Variants in MUL1 observed in about 807,000 individuals in gnomAD.
MUL1 encodes mitochondrial E3 ubiquitin protein ligase 1.
MUL1 carries 30 observed loss-of-function variants against 34.1 expected under a neutral mutation model. The ratio of observed to expected loss-of-function variants is 0.88; its 90% confidence interval spans 0.66 to 1.19. The LOEUF is 1.19. MUL1 is among the 50% of genes most tolerant of loss of function. MUL1 has a pLI of 0.00. For synonymous variants in MUL1, 191 were observed against 187.8 expected (o/e 1.02, Z -0.14); for missense variants, 419 against 450.5 (o/e 0.93, Z 0.63).
chr1:20,505,739 C>A (rs991820620), intron 1 of MUL1, among the ~76,000 whole-genome samples: 1 of 151,850 alleles, frequency 6.6e-6, no homozygotes, highest in East Asian at 1.9e-4. Context: ...TATTAACAGT[C>A]CCAACTTTTT....
chr1:20,508,094 C>G lies in MUL1; in HGVS notation c.-70G>C. The G allele has an allele frequency of 6.5e-7, 1 of 1,537,070 alleles. No individual in the cohort carries two copies. The highest frequency in any genetic ancestry group is 8.8e-7 in the Non-Finnish European group (1 of 1,140,944). On this transcript the variant is annotated 5_prime_UTR_variant, in exon 1 of 4. Coordinates refer to ENST00000264198, the MANE Select transcript of MUL1 (RefSeq NM_024544.3). ...CCTGGTGACCCCCGACTCTCCACCT[C>G]CTTCCGACCAGGACCGCACCCCCCC...
In MUL1 at chr1:20,501,250, T is replaced by G. The variant is rs2051656807; in HGVS notation, c.499A>C (p.Thr167Pro). The G allele has an allele frequency of 6.2e-6, 10 of 1,614,008 alleles. No homozygotes were observed. Among genetic ancestry groups the G allele is most frequent in the Non-Finnish European group, 8.5e-6 (10 of 1,180,034 alleles). Residue 167 changes from threonine (T) to proline (P), a missense_variant, in exon 4 of 4, where the codon ACC (threonine) becomes CCC (proline). Transcript: ENST00000264198. This position sits in a 1 kb window ranked among gnomAD's most constrained non-coding sequence, Gnocchi z 4.2. ...CTGATGTAGTGGCCGATGACATCGG[T>G]GAAGGACTGAATCGAGGGGTGGAAC... ...EKFHPSIQSF[T>P]DVIGHYISGE...
chr1:20,503,288 C>A lies in MUL1; in HGVS notation c.142G>T (p.Gly48Cys). The stretch of plus-strand genomic sequence containing the variant: ...GAAAGAATACTCTTTAAATCTTCAC[C>A]CAAATGAACTTTTTTAGCTCCCTAA... The part of the protein sequence containing the change: ...ELKGAKKVHL[G>C]EDLKSILSEA... Residue 48 changes from glycine (G) to cysteine (C), a missense_variant, in exon 2 of 4, where the codon GGT (glycine) becomes TGT (cysteine). Gly to Cys is a radical substitution (Grantham distance 159). Transcript: ENST00000264198. 1.9e-6 allele frequency: 3 copies of A among 1,603,576 alleles called. No homozygotes were observed. The highest frequency in any genetic ancestry group is 1.7e-5 in the Admixed American group (1 of 58,534).
At chr1:20,502,659 G>A (rs539100452) in intron 2 of MUL1, among the ~76,000 whole-genome samples, 4 of 152,218 alleles carry the variant, frequency 2.6e-5, no homozygotes, top group East Asian at 1.9e-4. Context: ...TCAGCCCCCC[G>A]AGTAGCTGGG....
At position 20,501,277 on chromosome 1, in the gene MUL1, T is replaced by TA; in HGVS notation, c.471_472insT (p.Lys158Ter). 6.2e-7 allele frequency: 1 copy of TA among 1,614,112 alleles called. No homozygotes were observed. The highest frequency in any genetic ancestry group is 1.1e-5 in the South Asian group (1 of 91,078). On this transcript the variant is annotated frameshift_variant, in exon 4 of 4. Coordinates refer to ENST00000264198, the MANE Select transcript of MUL1 (RefSeq NM_024544.3). LOFTEE classifies it high-confidence loss of function. This position sits in a 1 kb window ranked among gnomAD's most constrained non-coding sequence, Gnocchi z 4.2. ...AAGGACTGAATCGAGGGGTGGAACT[T>TA]CTCATACACAGTCTCTAGACCCAGA...
At chr1:20,504,022 C>CCA (rs1452521587) in intron 1 of MUL1, among the ~76,000 whole-genome samples, 1 of 152,064 alleles carries the variant, frequency 6.6e-6, no homozygotes, top group Admixed American at 6.6e-5. Flanking sequence ...TAGGCATGCA[C>CCA]CACCACACCT....
rs775862563 is a variant in MUL1, at chr1:20,501,048, T to G, written c.701A>C (p.Glu234Ala). The change falls in exon 4 of 4, where the codon GAG becomes GCG. Residue 234 changes from glutamate (E) to alanine (A), a missense_variant. Glu to Ala is a moderately radical substitution (Grantham distance 107). Coordinates refer to ENST00000264198, the MANE Select transcript of MUL1 (RefSeq NM_024544.3). This position sits in a 1 kb window ranked among gnomAD's most constrained non-coding sequence, Gnocchi z 4.2. ...CACCTTCCAGAGCCTGACGCTCGACTCCTGCCTCTGCAGCAGGCTGTCGAA... is the reference window on the plus strand; with the variant it reads ...CACCTTCCAGAGCCTGACGCTCGACGCCTGCCTCTGCAGCAGGCTGTCGAA... ...QDFDSLLQRQ[E>A]SSVRLWKVLA... The G allele has an allele frequency of 6.8e-6, 11 of 1,614,090 alleles. No individual in the cohort carries two copies. In the South Asian group the frequency reaches 1.2e-4, roughly 18 times the overall value.
At position 20,504,124 on chromosome 1, in the gene MUL1, C is replaced by G. The variant is rs145519181; in HGVS notation, c.121-815G>C. ...AGCTCAAGCGATCCTCCTGCCTCGG[C>G]CTCCCAAAGTGCTGGGATTACGGGT... is the stretch of plus-strand genomic sequence containing the variant. On this transcript the variant is annotated intron_variant, in intron 1 of 3. Transcript: ENST00000264198. Among the ~76,000 whole-genome samples the G allele has an allele frequency of 4.7e-3, 714 of 152,232 alleles. 14 individuals carry two copies. Among genetic ancestry groups the G allele is most frequent in the African/African-American group, 0.016 (649 of 41,528 alleles).
In MUL1 at chr1:20,501,525, GGAA is replaced by G; in HGVS notation, c.330-109_330-107del. On this transcript the variant is annotated intron_variant, in intron 3 of 3. Transcript: ENST00000264198. This position sits in a 1 kb window ranked among gnomAD's most constrained non-coding sequence, Gnocchi z 4.2. ...GGACAGCATATGGTCTGAAGTAACT[GGAA>G]GAAGACAGTAAGATCACTATCTCCA... The G allele has an allele frequency of 7.7e-7, 1 of 1,291,030 alleles. No individual in the cohort carries two copies. Among genetic ancestry groups the G allele is most frequent in the South Asian group, 1.5e-5 (1 of 68,884 alleles). 80.0% of individuals were successfully genotyped at this position (1,291,030 alleles called of 1,614,324 possible). A position where few individuals can be genotyped will look rare whatever the true frequency, so the allele number is the denominator to read the frequency against.
rs368581477 is a variant in MUL1, at chr1:20,499,565, G to A, written c.*1125C>T. 1.3e-5 allele frequency: 2 copies of A among 152,262 alleles called. No individual in the cohort carries two copies. Among genetic ancestry groups the A allele is most frequent in the African/African-American group, 4.8e-5 (2 of 41,448 alleles). The allele number at this position is 152,262 out of a possible 1,614,324, so 9.4% of individuals were successfully genotyped here. A position where few individuals can be genotyped will look rare whatever the true frequency, so the allele number is the denominator to read the frequency against. On this transcript the variant is annotated 3_prime_UTR_variant, in exon 4 of 4. Coordinates refer to ENST00000264198, the MANE Select transcript of MUL1 (RefSeq NM_024544.3). Reference sequence around the variant, plus strand: ...AAGGAGGACGAGAGATGAACATTCAGAGGCAGAAAAGGGCAATAAAAAAAG... The same window carrying A: ...AAGGAGGACGAGAGATGAACATTCAAAGGCAGAAAAGGGCAATAAAAAAAG...
chr1:20,500,586 G>A lies in MUL1; in HGVS notation c.*104C>T. 2 of 1,419,622 alleles carry A rather than the reference G, an allele frequency of 1.4e-6. No individual in the cohort carries two copies. Among genetic ancestry groups the A allele is most frequent in the South Asian group, 2.8e-5 (2 of 70,354 alleles). The allele number at this position is 1,419,622 out of a possible 1,614,324, so 87.9% of individuals were successfully genotyped here. On this transcript the variant is annotated 3_prime_UTR_variant, in exon 4 of 4. Coordinates refer to ENST00000264198, the MANE Select transcript of MUL1 (RefSeq NM_024544.3). ...AATTCCTCCCTCAATCATACCTGGA[G>A]GTGACAGCTACCCCCACCACTGCTC...
intron 1 of MUL1, among the ~76,000 whole-genome samples, chr1:20,504,948 C>T (rs1002961936): frequency 6.6e-6 from 1 of 152,090 alleles, no homozygotes; most frequent in African/African-American, 2.4e-5. Context: ...CAAAGTGAGA[C>T]AGCTAGTAAA....
At chr1:20,504,121 C>T (rs777394778) in intron 1 of MUL1, among the ~76,000 whole-genome samples, 43 of 152,136 alleles carry the variant, frequency 2.8e-4, no homozygotes, top group Admixed American at 7.2e-4. Flanking sequence ...CCTCCTGCCT[C>T]GGCCTCCCAA....
chr1:20,501,373 AGGGCACTGTGTT>A lies in MUL1; in HGVS notation c.364_375del (p.Asn122_Pro125del), dbSNP rs747096057. 16 of 1,614,046 alleles carry A rather than the reference AGGGCACTGTGTT, an allele frequency of 9.9e-6. No homozygotes were observed. In the African/African-American group the frequency reaches 2.0e-4, roughly 20 times the overall value. ...CCATCCTCGTGGGGCACCAGGTCAA[AGGGCACTGTGTT>A]GGTCCTCTGATGAATGATCTTTGAG... is the stretch of plus-strand genomic sequence containing the variant. On this transcript the variant is annotated inframe_deletion, in exon 4 of 4. Coordinates refer to ENST00000264198, the MANE Select transcript of MUL1 (RefSeq NM_024544.3). The surrounding 1 kb of genome is among the most constrained non-coding windows in gnomAD (Gnocchi z 4.2).
intron 1 of MUL1, among the ~76,000 whole-genome samples, chr1:20,506,917 G>GA (rs1219025764): frequency 6.6e-6 from 1 of 150,730 alleles, no homozygotes; most frequent in Non-Finnish European, 1.5e-5. Flanking sequence ...TTATTGTTAA[G>GA]AAAAAAATAA....
Position 20,501,499 on chromosome 1 carries a change from A to G in MUL1, c.330-80T>C. The G allele has an allele frequency of 1.4e-6, 2 of 1,474,426 alleles. No individual in the cohort carries two copies. The highest frequency in any genetic ancestry group is 1.9e-5 in the Admixed American group (1 of 52,966). 91.3% of individuals were successfully genotyped at this position (1,474,426 alleles called of 1,614,324 possible). On this transcript the variant is annotated intron_variant, in intron 3 of 3. Transcript: ENST00000264198. This position sits in a 1 kb window ranked among gnomAD's most constrained non-coding sequence, Gnocchi z 4.2. Reference sequence around the variant, plus strand: ...AGAACTGGAGATCAACTAAATGTGGAGGACAGCATATGGTCTGAAGTAACT... The same window carrying G: ...AGAACTGGAGATCAACTAAATGTGGGGGACAGCATATGGTCTGAAGTAACT...
chr1:20,508,021 C>G lies in MUL1; in HGVS notation c.4G>C (p.Glu2Gln). ...CACAGCGAGGGCCGCCCTCCGCTCT[C>G]CATGACGGCGGCGAGCCCCGGTGGC... M[E>Q]SGGRPSLCQF... is the part of the protein sequence containing the mutation. The change falls in exon 1 of 4, where the codon GAG (glutamate) becomes CAG (glutamine). Residue 2 changes from glutamate to glutamine, a missense_variant. Glu to Gln is a conservative substitution (Grantham distance 29, BLOSUM62 2). Transcript: ENST00000264198. 1 of 1,583,472 alleles carries G rather than the reference C, an allele frequency of 6.3e-7. No homozygotes were observed. Among genetic ancestry groups the G allele is most frequent in the Non-Finnish European group, 8.6e-7 (1 of 1,166,430 alleles).
Position 20,502,153 on chromosome 1 carries a change from T to C in MUL1, c.245A>G (p.Gln82Arg). 1 of 1,614,210 alleles carries C rather than the reference T, an allele frequency of 6.2e-7. No individual in the cohort carries two copies. The highest frequency in any genetic ancestry group is 8.5e-7 in the Non-Finnish European group (1 of 1,180,040). Reference protein sequence around the residue: ...VRSVKETLNSQFVENCKGVIQ... With the variant: ...VRSVKETLNSRFVENCKGVIQ... ...TACCCCCTTGCAGTTTTCCACAAACTGGCTGTTAAGCGTTTCTTTAACAGA... is the reference window on the plus strand; with the variant it reads ...TACCCCCTTGCAGTTTTCCACAAACCGGCTGTTAAGCGTTTCTTTAACAGA... The change falls in exon 3 of 4, where the codon CAG (glutamine) becomes CGG (arginine). Residue 82 changes from glutamine to arginine, a missense_variant. Physicochemically the swap from Gln to Arg is conservative, Grantham distance 43 (BLOSUM62 1). Coordinates refer to ENST00000264198, the MANE Select transcript of MUL1 (RefSeq NM_024544.3).
At position 20,508,123 on chromosome 1, in the gene MUL1, C is replaced by T; in HGVS notation, c.-99G>A. ...CCGACCAGGACCGCACCCCCCCGGC[C>T]TAACCTGACCGGAAACTCGAAATCA... On this transcript the variant is annotated 5_prime_UTR_variant, in exon 1 of 4. Transcript: ENST00000264198. 6.9e-7 allele frequency: 1 copy of T among 1,456,664 alleles called. No individual in the cohort carries two copies. The highest frequency in any genetic ancestry group is 9.1e-7 in the Non-Finnish European group (1 of 1,098,488). The allele number at this position is 1,456,664 out of a possible 1,614,324, so 90.2% of individuals were successfully genotyped here.
Sources: allele counts gnomAD v4.1 joint callset (sites outside exome capture counted in the v4.1 genomes callset), GRCh38; gene constraint gnomAD v4.1.1; non-coding constraint Gnocchi (gnomAD v3.1); transcripts MANE v1.5; gene names NCBI Gene and HGNC (gene_info 2026-07-23, HGNC 2026-07-21).